Variants in MED13 observed in about 807,000 individuals in gnomAD.
MED13 encodes mediator of RNA polymerase II transcription subunit 13.
MED13 carries 23 observed loss-of-function variants against 225.2 expected under a neutral mutation model. The observed-to-expected ratio is 0.10, with a 90% CI of 0.07 to 0.14. MED13 has a LOEUF of 0.14. Ranked by LOEUF, MED13 falls within the 10% of genes least tolerant of loss-of-function variation. MED13 has a pLI of 1.00. For missense variants in MED13, 2,197 were observed against 2,594.5 expected (o/e 0.85, Z 3.33); for synonymous variants, 942 against 889.2 (o/e 1.06, Z -1.06).
chr17:62,012,250 ATTTC>A (rs1345372886), intron 8 of MED13, among the ~76,000 whole-genome samples: 7 of 151,122 alleles, frequency 4.6e-5, no homozygotes, highest in Non-Finnish European at 7.4e-5. Flanking sequence ...CAAAAAAAAG[ATTTC>A]TTTCAGTGCG....
chr17:62,029,750 T>A, intron 7 of MED13, 99 bp from the exon 8 acceptor site: 1 of 1,506,974 alleles, frequency 6.6e-7, no homozygotes, highest in East Asian at 2.3e-5. Flanking sequence ...CATTATGAGT[T>A]AAAGAAAAAT....
intron 23 of MED13, 61 bp from the exon 24 acceptor site, chr17:61,956,542 GTTGT>G: frequency 4.6e-6 from 7 of 1,532,220 alleles, no homozygotes; most frequent in Non-Finnish European, 6.2e-6. Context: ...TTTTGCTGTT[GTTGT>G]TTTTTTGAGA....
At chr17:61,967,905 G>C (rs757689639) in intron 18 of MED13, 130 bp downstream of exon 18, 2 of 699,220 alleles carry the variant, frequency 2.9e-6, no homozygotes, top group Non-Finnish European at 4.7e-6. Context: ...TAACTGGCTA[G>C]TATGAGAAAT....
chr17:61,963,530 T>G (rs2080025992), intron 20 of MED13, among the ~76,000 whole-genome samples: 1 of 152,156 alleles, frequency 6.6e-6, no homozygotes, highest in Non-Finnish European at 1.5e-5. Flanking sequence ...GGTCTTGAAC[T>G]CTTGGTCTCA....
chr17:62,002,489 C>CAAAAAAAAAAAAAAAAAAAAACAA (rs35736875), intron 9 of MED13, among the ~76,000 whole-genome samples: 1 of 50,638 alleles, frequency 2.0e-5, no homozygotes, highest in Non-Finnish European at 5.1e-5. Context: ...AACTCCATCT[C>CAAAAAAAAAAAAAAAAAAAAACAA]AAAAAAAAAA....
chr17:62,055,104 G>C (rs558986600), intron 2 of MED13, among the ~76,000 whole-genome samples: 2 of 152,232 alleles, frequency 1.3e-5, no homozygotes, highest in African/African-American at 2.4e-5. Context: ...CTGCTATCCG[G>C]GAGGCTGAGG....
intron 12 of MED13, 53 bp downstream of exon 12, chr17:61,986,954 T>A (rs2052723850): frequency 8.0e-7 from 1 of 1,246,482 alleles, no homozygotes; most frequent in South Asian, 1.9e-5. Flanking sequence ...AATAAAAAAA[T>A]AATAAAATCA....
At position 61,955,855 on chromosome 17, in the gene MED13, T is replaced by TAAAAAA. The variant is rs61326861; in HGVS notation, c.5624-23_5624-18dup. On this transcript the variant is annotated splice_polypyrimidine_tract_variant and intron_variant, in intron 24 of 29. Coordinates refer to ENST00000397786, the MANE Select transcript of MED13 (RefSeq NM_005121.3). ...AGCTCCAATCTGTGGGTATCAACAG[T>TAAAAAA]AAAAAAAAAAAAAAAAAAAAAAAAA... is the stretch of plus-strand genomic sequence containing the variant. 19 of 815,154 alleles carry TAAAAAA rather than the reference T, an allele frequency of 2.3e-5. No homozygotes were observed. The highest frequency in any genetic ancestry group is 7.5e-5 in the East Asian group (1 of 13,324). 50.5% of individuals were successfully genotyped at this position (815,154 alleles called of 1,614,324 possible).
chr17:62,005,523 G>C (rs138026982), intron 9 of MED13: 2 of 152,212 alleles, frequency 1.3e-5, no homozygotes, highest in South Asian at 4.1e-4. Flanking sequence ...CAAGAATCGC[G>C]TGAACCTGGG....
At chr17:62,042,938 C>T (rs2080865988) in intron 3 of MED13, among the ~76,000 whole-genome samples, 1 of 151,702 alleles carries the variant, frequency 6.6e-6, no homozygotes, top group Non-Finnish European at 1.5e-5. Context: ...TCACTTGAGG[C>T]TAGGAGTTAG....
Position 62,011,063 on chromosome 17 carries a change from T to C in MED13, c.1454A>G (p.Asp485Gly). Reference protein sequence around the residue: ...PFHHRVSVSDDVGMDADSASQ... With the variant: ...PFHHRVSVSDGVGMDADSASQ... ...GGCTGAATCTGCGTCCATGCCAACA[T>C]CATCACTAACAGACACACGATGGTG... Residue 485 changes from aspartate to glycine, a missense_variant, in exon 9 of 30, where the codon GAT (aspartate) becomes GGT (glycine). Coordinates refer to ENST00000397786, the MANE Select transcript of MED13 (RefSeq NM_005121.3). The C allele has an allele frequency of 2.5e-6, 4 of 1,614,226 alleles. No individual in the cohort carries two copies. The highest frequency in any genetic ancestry group is 3.4e-6 in the Non-Finnish European group (4 of 1,180,034).
At chr17:62,007,935 C>CCTGAACCCGGAAGGCA (rs2080467492) in intron 9 of MED13, among the ~76,000 whole-genome samples, 1 of 148,548 alleles carries the variant, frequency 6.7e-6, no homozygotes, top group Non-Finnish European at 1.5e-5. Flanking sequence ...AGGAAAATGG[C>CCTGAACCCGGAAGGCA]CTGAACCCGG....
At chr17:61,983,173 G>A in intron 15 of MED13, 59 bp from the exon 16 acceptor site, 2 of 1,327,294 alleles carry the variant, frequency 1.5e-6, no homozygotes. Flanking sequence ...TATTAGTAAT[G>A]TGAAATACAA....
chr17:62,062,594 C>T (rs893318263), intron 2 of MED13, among the ~76,000 whole-genome samples: 11 of 57,568 alleles, frequency 1.9e-4, no homozygotes, highest in Non-Finnish European at 2.9e-4. Context: ...CACACACACA[C>T]ACACACCACA....
intron 1 of MED13, 101 bp downstream of exon 1, chr17:62,065,038 CG>C: frequency 9.2e-7 from 1 of 1,083,828 alleles, no homozygotes; most frequent in South Asian, 1.9e-5. Flanking sequence ...GGGCCTCGCC[CG>C]GGAACTCGGG....
rs752646703 is a variant in MED13, at chr17:62,010,989, T to C, written c.1528A>G (p.Asn510Asp). Residue 510 changes from asparagine to aspartate, a missense_variant, in exon 9 of 30, where the codon AAT becomes GAT. This residue lies in a region of MED13 where 884 missense variants were observed against 918.5 expected (regional missense o/e 0.96). Coordinates refer to ENST00000397786, the MANE Select transcript of MED13 (RefSeq NM_005121.3). The part of the protein sequence containing the change: ...SAPDSQVRFS[N>D]IRTNDVAKTP... ...TTTGCTACATCATTAGTTCGGATAT[T>C]TGAAAATCTCACTTGACTGTCTGGA... The C allele has an allele frequency of 3.2e-5, 52 of 1,613,496 alleles. No homozygotes were observed. The highest frequency in any genetic ancestry group is 1.3e-4 in the Admixed American group (8 of 59,994).
At chr17:61,994,634 A>G (rs1315735734) in intron 10 of MED13, among the ~76,000 whole-genome samples, 1 of 152,258 alleles carries the variant, frequency 6.6e-6, no homozygotes, top group Non-Finnish European at 1.5e-5. Context: ...ACTTTTAAAC[A>G]ACAAAATATT....
chr17:62,056,799 T>C lies in MED13; in HGVS notation c.302-4094A>G, dbSNP rs752084378. Reference sequence around the variant, plus strand: ...AAAAATTCCTTCTCTTGTAGCTCTATGTCCAGAGAAAATAAAGTTCAACTC... The same window carrying C: ...AAAAATTCCTTCTCTTGTAGCTCTACGTCCAGAGAAAATAAAGTTCAACTC... On this transcript the variant is annotated intron_variant, in intron 2 of 29. Transcript: ENST00000397786. Among the ~76,000 whole-genome samples, 93 of 152,176 alleles carry C rather than the reference T, an allele frequency of 6.1e-4. 1 individual carries two copies. Among genetic ancestry groups the C allele is most frequent in the Non-Finnish European group, 1.2e-3 (79 of 68,026 alleles).
intron 23 of MED13, among the ~76,000 whole-genome samples, chr17:61,956,684 T>A (rs971227241): frequency 1.3e-5 from 2 of 151,734 alleles, no homozygotes; most frequent in Non-Finnish European, 2.9e-5. Context: ...CAACTACAGG[T>A]GTGTGCCAAC....
Sources: gnomAD v4.1 joint callset for allele counts (sites outside exome capture counted in the v4.1 genomes callset) on GRCh38, gnomAD v4.1.1 for gene constraint, gnomAD v4.1.1 regional missense constraint, MANE v1.5 for transcripts, NCBI Gene and HGNC (gene_info 2026-07-23, HGNC 2026-07-21) for gene names.